Variants in TNFRSF21 observed in about 807,000 individuals in gnomAD.
TNFRSF21 encodes TNF receptor superfamily member 21, also known as tumor necrosis factor receptor superfamily member 21.
In TNFRSF21, 19 loss-of-function variants were observed where a neutral mutation model predicts 45.6. That is an observed-to-expected ratio of 0.42 (90% CI 0.29 to 0.61). The LOEUF is 0.61. TNFRSF21 is among the 20% of genes least tolerant of loss of function. The probability of loss-of-function intolerance (pLI) is 0.23; values close to 1 mark genes in which losing one functional copy is unlikely to be tolerated. For missense variants in TNFRSF21, 737 were observed against 851.5 expected, an observed-to-expected ratio of 0.87 and a Z score of 1.67; for synonymous variants, 314 against 335.5, an observed-to-expected ratio of 0.94 and a Z score of 0.70.
intron 2 of TNFRSF21, among the ~76,000 whole-genome samples, chr6:47,284,909 A>G (rs936091143): frequency 1.3e-5 from 2 of 152,264 alleles, no homozygotes; most frequent in African/African-American, 2.4e-5. Flanking sequence ...TTGACTGGTG[A>G]AAGACTTGGT....
At chr6:47,309,374 G>C (rs1157635918) in intron 1 of TNFRSF21, 42 bp downstream of exon 1, 2 of 1,512,394 alleles carry the variant, frequency 1.3e-6, no homozygotes, top group African/African-American at 2.9e-5. Flanking sequence ...GGTTCCTTCT[G>C]CTCCGGCGCC....
In TNFRSF21 at chr6:47,284,410, G is replaced by A. The variant is rs748038661; in HGVS notation, c.771C>T (p.Asn257=). ...CCTTTGGTCTAACAGAGGCAGAAGA[G>A]TTGGATTCTGTTGAGTTCATGCCTA... ...VPKGMNSTES[N]SSASVRPKVL... The change falls in exon 3 of 6, where the codon AAC becomes AAT. Residue 257 remains asparagine, a synonymous_variant. Coordinates refer to ENST00000296861, the MANE Select transcript of TNFRSF21 (RefSeq NM_014452.5). 10 of 1,519,666 alleles carry A rather than the reference G, an allele frequency of 6.6e-6. No homozygotes were observed. Among genetic ancestry groups the A allele is most frequent in the Non-Finnish European group, 8.8e-6 (10 of 1,135,870 alleles). 94.1% of individuals were successfully genotyped at this position (1,519,666 alleles called of 1,614,324 possible). A position where few individuals can be genotyped will look rare whatever the true frequency, so the allele number is the denominator to read the frequency against.
intron 4 of TNFRSF21, among the ~76,000 whole-genome samples, chr6:47,252,798 G>T (rs1373344934): frequency 6.6e-6 from 1 of 152,186 alleles, no homozygotes; most frequent in Non-Finnish European, 1.5e-5. Flanking sequence ...ACTGCCGCTA[G>T]CACCACCTGC....
intron 4 of TNFRSF21, among the ~76,000 whole-genome samples, chr6:47,246,084 G>A (rs4327692): frequency 0.066 from 10,026 of 152,206 alleles, 418 homozygotes; most frequent in African/African-American, 0.12. Flanking sequence ...CATGAGGTTT[G>A]GGCAGGGACA....
chr6:47,248,397 T>C (rs1160410038), intron 4 of TNFRSF21, among the ~76,000 whole-genome samples: 1 of 152,056 alleles, frequency 6.6e-6, no homozygotes, highest in Admixed American at 6.5e-5. Context: ...AGAAACAGAC[T>C]CCTTTCCTCC....
rs376942925 is a variant in TNFRSF21, at chr6:47,232,762, G to A, written c.*3C>T. ...AATTTCCAGAATGCAGTATCCCTAT[G>A]TTCTACAGCAGGTCAGGAAGATGGC... On this transcript the variant is annotated 3_prime_UTR_variant, in exon 6 of 6. Coordinates refer to ENST00000296861, the MANE Select transcript of TNFRSF21 (RefSeq NM_014452.5). 1.2e-6 allele frequency: 2 copies of A among 1,613,534 alleles called. No homozygotes were observed. The highest frequency in any genetic ancestry group is 2.2e-5 in the South Asian group (2 of 91,050).
chr6:47,296,548 G>C (rs1762792791), intron 1 of TNFRSF21, among the ~76,000 whole-genome samples: 1 of 152,180 alleles, frequency 6.6e-6, no homozygotes, highest in Non-Finnish European at 1.5e-5. Flanking sequence ...TATGATGGAA[G>C]GGTTGGGACT....
chr6:47,254,042 A>T (rs1045426335), intron 3 of TNFRSF21, among the ~76,000 whole-genome samples: 3 of 152,182 alleles, frequency 2.0e-5, no homozygotes, highest in Non-Finnish European at 4.4e-5. Flanking sequence ...TTAAGTGGGG[A>T]ACTTTCATGT....
intron 4 of TNFRSF21, among the ~76,000 whole-genome samples, chr6:47,247,905 T>C (rs545956532): frequency 6.0e-4 from 91 of 152,274 alleles, no homozygotes; most frequent in East Asian, 1.9e-3. Flanking sequence ...CCACAAAACA[T>C]TGGCGGTGGG....
At chr6:47,276,060 G>A (rs777357000) in intron 3 of TNFRSF21, among the ~76,000 whole-genome samples, 16 of 152,182 alleles carry the variant, frequency 1.1e-4, no homozygotes, top group Non-Finnish European at 1.9e-4. Context: ...TACAAAGAAA[G>A]ATGAGATCCA....
intron 4 of TNFRSF21, among the ~76,000 whole-genome samples, chr6:47,245,469 T>A (rs1209675654): frequency 6.7e-6 from 1 of 148,156 alleles, no homozygotes; most frequent in Non-Finnish European, 1.5e-5. Context: ...TGTGTGTGTG[T>A]GTGTGTGTGT....
intron 4 of TNFRSF21, among the ~76,000 whole-genome samples, chr6:47,243,691 T>G (rs1480996259): frequency 2.0e-5 from 3 of 152,160 alleles, no homozygotes; most frequent in Non-Finnish European, 2.9e-5. Context: ...GTGCTGAGAT[T>G]ATAGGTGTGA....
intron 3 of TNFRSF21, among the ~76,000 whole-genome samples, chr6:47,268,581 T>A (rs1259246821): frequency 1.3e-5 from 2 of 152,148 alleles, no homozygotes; most frequent in African/African-American, 4.8e-5. Flanking sequence ...TTTCTTTAAG[T>A]TGCTTTCACC....
At chr6:47,241,955 A>C (rs1372588998) in intron 4 of TNFRSF21, among the ~76,000 whole-genome samples, 1 of 152,200 alleles carries the variant, frequency 6.6e-6, no homozygotes, top group Non-Finnish European at 1.5e-5. Flanking sequence ...TAAATTGTCA[A>C]TTGCCAAGTG....
At chr6:47,247,489 C>G (rs181920395) in intron 4 of TNFRSF21, among the ~76,000 whole-genome samples, 3 of 152,270 alleles carry the variant, frequency 2.0e-5, no homozygotes, top group Admixed American at 1.3e-4. Context: ...GCCAAAAAGT[C>G]AACAGTTAAT....
In TNFRSF21 at chr6:47,249,044, C is replaced by T. The variant is rs147796429; in HGVS notation, c.1509+4212G>A. Among the ~76,000 whole-genome samples, 1,217 of 152,264 alleles carry T rather than the reference C, an allele frequency of 8.0e-3. 23 individuals are homozygous for T. The highest frequency in any genetic ancestry group is 0.027 in the African/African-American group (1,135 of 41,548). ...CCCTAAAATGACTATGTTGCCAGGA[C>T]AGGGATTTAACCCGGCACACGTCTC... On this transcript the variant is annotated intron_variant, in intron 4 of 5. Coordinates refer to ENST00000296861, the MANE Select transcript of TNFRSF21 (RefSeq NM_014452.5).
intron 3 of TNFRSF21, among the ~76,000 whole-genome samples, chr6:47,277,151 G>A (rs571370448): frequency 2.6e-5 from 4 of 152,126 alleles, no homozygotes; most frequent in Non-Finnish European, 4.4e-5. Flanking sequence ...CCGCCACCAC[G>A]CCTGGTTAAT....
At chr6:47,262,948 T>A (rs781509517) in intron 3 of TNFRSF21, among the ~76,000 whole-genome samples, 3 of 152,116 alleles carry the variant, frequency 2.0e-5, no homozygotes, top group Non-Finnish European at 4.4e-5. Context: ...TTAAACAGTA[T>A]CATTCCAGCT....
chr6:47,248,009 C>T (rs549901928), intron 4 of TNFRSF21, among the ~76,000 whole-genome samples: 1 of 152,294 alleles, frequency 6.6e-6, no homozygotes, highest in South Asian at 2.1e-4. Context: ...ACTCCGCTTC[C>T]TGGTTAACAT....
Sources: gnomAD v4.1 joint callset for allele counts (sites outside exome capture counted in the v4.1 genomes callset) on GRCh38, gnomAD v4.1.1 for gene constraint, MANE v1.5 for transcripts, NCBI Gene and HGNC (gene_info 2026-07-23, HGNC 2026-07-21) for gene names.